The following CD300A variants were observed in gnomAD, a reference collection of about 807,000 sequenced individuals.
The protein encoded by CD300A is CD300a molecule.
CD300A carries 22 observed loss-of-function variants against 33.6 expected under a neutral mutation model. The observed-to-expected ratio is 0.66, with a 90% CI of 0.47 to 0.94. The LOEUF (loss-of-function observed/expected upper bound fraction) is 0.94. Ranked by LOEUF, CD300A falls within the 40% of genes least tolerant of loss-of-function variation. The pLI is 0.00. For missense variants in CD300A, 326 were observed against 360.5 expected, an observed-to-expected ratio of 0.90 and a Z score of 0.77; for synonymous variants, 136 against 148.1, an observed-to-expected ratio of 0.92 and a Z score of 0.59.
At position 74,482,758 on chromosome 17, in the gene CD300A, T is replaced by C. The variant is rs539432300; in HGVS notation, c.774+925T>C. ...TGGAATCTCGCTCTATCCCCCAGGC[T>C]GGAATGCAGTGGCACAGTCTTGGCT... is the stretch of plus-strand genomic sequence containing the variant. On this transcript the variant is annotated intron_variant, in intron 6 of 6. Coordinates refer to ENST00000360141, the MANE Select transcript of CD300A (RefSeq NM_007261.4). Among the ~76,000 whole-genome samples, 121 of 141,848 alleles carry C rather than the reference T, an allele frequency of 8.5e-4. 3 individuals carry two copies. Among genetic ancestry groups the C allele is most frequent in the African/African-American group, 3.6e-3 (118 of 32,568 alleles). 93.1% of individuals were successfully genotyped at this position (141,848 alleles called of 152,430 possible). A position where few individuals can be genotyped will look rare whatever the true frequency, so the allele number is the denominator to read the frequency against.
chr17:74,482,720 TTC>T (rs1345561421), intron 6 of CD300A, among the ~76,000 whole-genome samples: 1 of 141,074 alleles, frequency 7.1e-6, no homozygotes, highest in Non-Finnish European at 1.5e-5. Context: ...CTTTCTTTCT[TTC>T]TTTCTTTCTT....
chr17:74,481,452 C>A (rs977570042), intron 5 of CD300A, 126 bp downstream of exon 5: 2 of 853,606 alleles, frequency 2.3e-6, no homozygotes, highest in Admixed American at 2.1e-5. Flanking sequence ...CAGAGCAGGA[C>A]GAATGATGCT....
rs145477609 is a variant in CD300A at position 74,484,069 on chromosome 17, T to A, written c.843T>A (p.Ala281=). 3 of 1,613,962 alleles carry A rather than the reference T, an allele frequency of 1.9e-6. No individual in the cohort carries two copies. The highest frequency in any genetic ancestry group is 1.3e-5 in the African/African-American group (1 of 74,916). The stretch of plus-strand genomic sequence containing the variant: ...ATTCTAACACCAACAGGATAGCTGC[T>A]CAGAGGCCTCGGGAGGAGGAACCAG... ...VFDSNTNRIA[A]QRPREEEPDS... The change falls in exon 7 of 7, where the codon GCT becomes GCA. Residue 281 remains alanine, a synonymous_variant. Coordinates refer to ENST00000360141, the MANE Select transcript of CD300A (RefSeq NM_007261.4).
chr17:74,483,932 A>G (rs111537324), intron 6 of CD300A, 69 bp from the exon 7 acceptor site: 1 of 1,578,962 alleles, frequency 6.3e-7, no homozygotes, highest in African/African-American at 1.3e-5. Context: ...TCCCTCCTCC[A>G]TCCTATGTTG....
chr17:74,482,470 T>C lies in CD300A; in HGVS notation c.774+637T>C, dbSNP rs893229775. ...CAGGGGACATTGTTGCTGGTCTGCC[T>C]GGAAAAGTGGCCCAACTCCCTGGGA... On this transcript the variant is annotated intron_variant, in intron 6 of 6. Transcript: ENST00000360141. Among the ~76,000 whole-genome samples the C allele has an allele frequency of 2.6e-5, 4 of 151,768 alleles. No homozygotes were observed. In the East Asian group the frequency reaches 7.8e-4, roughly 30 times the overall value.
At chr17:74,475,663 T>G (rs1485854285) in intron 3 of CD300A, among the ~76,000 whole-genome samples, 1 of 152,158 alleles carries the variant, frequency 6.6e-6, no homozygotes, top group Non-Finnish European at 1.5e-5. Flanking sequence ...AATTCCATCC[T>G]GGCACTATCC....
chr17:74,468,449 C>T (rs1456322676), intron 1 of CD300A, among the ~76,000 whole-genome samples: 1 of 152,060 alleles, frequency 6.6e-6, no homozygotes, highest in Non-Finnish European at 1.5e-5. Flanking sequence ...CCTCCCACCT[C>T]AACCTCCCCA....
chr17:74,476,444 G>A (rs955109919), intron 3 of CD300A, among the ~76,000 whole-genome samples: 2 of 152,224 alleles, frequency 1.3e-5, no homozygotes, highest in Admixed American at 1.3e-4. Flanking sequence ...CAGAAGTTTA[G>A]CCTGTAGATA....
At chr17:74,473,056 GA>G (rs776433383) in intron 1 of CD300A, among the ~76,000 whole-genome samples, 1 of 152,084 alleles carries the variant, frequency 6.6e-6, no homozygotes, top group African/African-American at 2.4e-5. Context: ...GCTTAGGGGT[GA>G]GTTCTCATGC....
At chr17:74,470,286 C>A in intron 1 of CD300A, 2 of 922,340 alleles carry the variant, frequency 2.2e-6, no homozygotes, top group Non-Finnish European at 2.5e-6. Flanking sequence ...ACTTCGCAAT[C>A]TCTAAATTAT....
At chr17:74,470,294 TATA>T (rs10615649) in intron 1 of CD300A, 399,174 of 940,294 alleles carry the variant, frequency 0.42, 89,189 homozygotes, top group African/African-American at 0.73. Context: ...ATCTCTAAAT[TATA>T]ATGACACCCT....
At chr17:74,470,141 C>T in intron 1 of CD300A, 2 of 985,356 alleles carry the variant, frequency 2.0e-6, no homozygotes, top group South Asian at 4.7e-5. Context: ...CCCCAGTCTC[C>T]TGTTTATGAT....
At chr17:74,470,036 C>T (rs1905991076) in intron 1 of CD300A, 3 of 985,080 alleles carry the variant, frequency 3.0e-6, no homozygotes, top group Non-Finnish European at 3.6e-6. Context: ...CAGTCATTTA[C>T]CTGAGAGTTA....
chr17:74,468,846 C>CG (rs1472640464), intron 1 of CD300A, among the ~76,000 whole-genome samples: 1 of 152,110 alleles, frequency 6.6e-6, no homozygotes, highest in Non-Finnish European at 1.5e-5. Flanking sequence ...TTAGTAGAGA[C>CG]GGGGTTTCAC....
In CD300A at chr17:74,480,224, C is replaced by T. The variant is rs1035398737; in HGVS notation, c.629-1065C>T. On this transcript the variant is annotated intron_variant, in intron 4 of 6. Coordinates refer to ENST00000360141, the MANE Select transcript of CD300A (RefSeq NM_007261.4). The surrounding 1 kb of genome is among the most constrained non-coding windows in gnomAD (Gnocchi z 4.2). The stretch of plus-strand genomic sequence containing the variant: ...GTGGCTCAGCAAGCCCGTCACTATA[C>T]GTGGTCTTGTGTCTCCCAACCGTGG... 2.6e-5 allele frequency among the ~76,000 whole-genome samples: 4 copies of T among 152,140 alleles called. No homozygotes were observed. The highest frequency in any genetic ancestry group is 5.9e-5 in the Non-Finnish European group (4 of 68,014).
rs927379404 is a variant in CD300A at position 74,480,811 on chromosome 17, G to A, written c.629-478G>A. Among the ~76,000 whole-genome samples the A allele has an allele frequency of 1.3e-5, 2 of 152,122 alleles. No individual in the cohort carries two copies. The highest frequency in any genetic ancestry group is 4.8e-5 in the African/African-American group (2 of 41,408). On this transcript the variant is annotated intron_variant, in intron 4 of 6. Coordinates refer to ENST00000360141, the MANE Select transcript of CD300A (RefSeq NM_007261.4). This position sits in a 1 kb window ranked among gnomAD's most constrained non-coding sequence, Gnocchi z 4.2. ...TGCCCAGGCTGGAGTGCAGTGGCAT[G>A]ATCTCAGCTCACTGCAACCTCCGTC...
At chr17:74,472,051 G>A (rs1461547903) in intron 1 of CD300A, among the ~76,000 whole-genome samples, 2 of 152,006 alleles carry the variant, frequency 1.3e-5, no homozygotes, top group Admixed American at 6.6e-5. Flanking sequence ...GACCAGCCAG[G>A]CCAACATGGT....
intron 3 of CD300A, among the ~76,000 whole-genome samples, 162 bp from the exon 4 acceptor site, chr17:74,477,274 C>T (rs760797206): frequency 1.6e-4 from 25 of 152,060 alleles, no homozygotes; most frequent in Non-Finnish European, 3.1e-4. Context: ...ATCACTTGAG[C>T]CCAGGGGTTC....
chr17:74,471,084 C>T (rs1460400324), intron 1 of CD300A, among the ~76,000 whole-genome samples: 1 of 152,172 alleles, frequency 6.6e-6, no homozygotes, highest in East Asian at 1.9e-4. Context: ...GTAGCTGGGA[C>T]CACACGTGTG....
Sources: allele counts gnomAD v4.1 joint callset (sites outside exome capture counted in the v4.1 genomes callset), GRCh38; gene constraint gnomAD v4.1.1; non-coding constraint Gnocchi (gnomAD v3.1); transcripts MANE v1.5; gene names NCBI Gene and HGNC (gene_info 2026-07-23, HGNC 2026-07-21).